GLIS2: variants seen among roughly 807,000 people sequenced by gnomAD.
The protein encoded by GLIS2 is zinc finger protein GLIS2.
In GLIS2, 14 loss-of-function variants were observed where a neutral mutation model predicts 35.6. The observed-to-expected ratio is 0.39, with a 90% CI of 0.26 to 0.61. The LOEUF (loss-of-function observed/expected upper bound fraction) is 0.61, where lower values mean the gene tolerates loss of function less well. Ranked by LOEUF, GLIS2 falls within the 20% of genes least tolerant of loss-of-function variation. The pLI is 0.48. For synonymous variants in GLIS2, 368 were observed against 325.1 expected (o/e 1.13, Z -1.42); for missense variants, 675 against 713.4 (o/e 0.95, Z 0.61).
chr16:4,317,810 T>TG (rs2053330736), intron 1 of GLIS2, among the ~76,000 whole-genome samples: 1 of 152,140 alleles, frequency 6.6e-6, no homozygotes, highest in African/African-American at 2.4e-5. Flanking sequence ...GATGGTGTTT[T>TG]GGGGGGTGTG....
chr16:4,336,831 C>T lies in GLIS2; in HGVS notation c.882C>T (p.Tyr294=), dbSNP rs2053556905. Residue 294 remains tyrosine (Y), a synonymous_variant, in exon 7 of 7, where the codon TAC becomes TAT. Transcript: ENST00000433375. ...TRTHYVDKPY[Y]CKMPGCHKRY... is the part of the protein sequence containing the mutation. ...CCCACTATGTGGACAAGCCCTACTA[C>T]TGCAAGATGCCCGGCTGCCACAAGC... 1 of 1,612,408 alleles carries T rather than the reference C, an allele frequency of 6.2e-7. No individual in the cohort carries two copies. The highest frequency in any genetic ancestry group is 8.5e-7 in the Non-Finnish European group (1 of 1,179,532).
At chr16:4,327,694 C>T (rs113791618) in intron 1 of GLIS2, among the ~76,000 whole-genome samples, 2 of 151,698 alleles carry the variant, frequency 1.3e-5, no homozygotes, top group Admixed American at 6.6e-5. Flanking sequence ...CTCCGGGTGA[C>T]CCCCGCCCTG....
At chr16:4,328,972 AGGGTGG>A (rs1184580464) in intron 1 of GLIS2, 1 of 17,796 alleles carries the variant, frequency 5.6e-5, no homozygotes, top group East Asian at 1.5e-3. Context: ...CTTCTCCGGA[AGGGTGG>A]GGGTGGGGGT....
intron 1 of GLIS2, among the ~76,000 whole-genome samples, chr16:4,316,846 G>A (rs2053319111): frequency 1.3e-5 from 2 of 152,188 alleles, no homozygotes. Flanking sequence ...TGCGGTCCGG[G>A]TGGACGCAGG....
At chr16:4,319,282 C>G (rs1358480582) in intron 1 of GLIS2, among the ~76,000 whole-genome samples, 3 of 152,176 alleles carry the variant, frequency 2.0e-5, no homozygotes, top group Non-Finnish European at 2.9e-5. Context: ...CTTCCCCTCA[C>G]CCAGATAAAT....
Position 4,337,762 on chromosome 16 carries a change from CTG to C in GLIS2, c.*240_*241del. On this transcript the variant is annotated 3_prime_UTR_variant, in exon 7 of 7. Transcript: ENST00000433375. ...CTGGGTGCTGAAGCCTCGCTCCTGTCTGTCCCCCACCACCTGGCCCTCAGCTT... is the reference window on the plus strand; with the variant it reads ...CTGGGTGCTGAAGCCTCGCTCCTGTCTCCCCCACCACCTGGCCCTCAGCTT... 1.6e-6 allele frequency: 1 copy of C among 616,684 alleles called. No homozygotes were observed. Among genetic ancestry groups the C allele is most frequent in the East Asian group, 2.8e-5 (1 of 36,064 alleles). 38.2% of individuals were successfully genotyped at this position (616,684 alleles called of 1,614,324 possible).
At chr16:4,334,729 T>C (rs1415484238) in intron 3 of GLIS2, 72 bp from the exon 4 acceptor site, 12 of 1,570,354 alleles carry the variant, frequency 7.6e-6, no homozygotes. Flanking sequence ...GGGACACCAT[T>C]CAGTCCACTA....
intron 1 of GLIS2, among the ~76,000 whole-genome samples, chr16:4,318,662 C>T (rs1567215797): frequency 3.9e-5 from 6 of 152,316 alleles, no homozygotes; most frequent in Admixed American, 2.0e-4. Flanking sequence ...TGGAGGGAGG[C>T]CTGGACCCCA....
At chr16:4,315,635 T>C (rs917571352), upstream of GLIS2, among the ~76,000 whole-genome samples, 2 of 149,804 alleles carry the variant, frequency 1.3e-5, no homozygotes, top group Non-Finnish European at 3.0e-5. Context: ...GGCCGTGTCC[T>C]AGCGCTGCCC....
At chr16:4,336,360 T>C (rs1447595576) in intron 6 of GLIS2, 1 of 445,060 alleles carries the variant, frequency 2.2e-6, no homozygotes, top group African/African-American at 2.0e-5. Flanking sequence ...TTGGCCCTGC[T>C]GGTCTGGAAC....
At chr16:4,331,543 T>C (rs1261314760) in intron 1 of GLIS2, 1 of 153,424 alleles carries the variant, frequency 6.5e-6, no homozygotes, top group Non-Finnish European at 1.5e-5. Flanking sequence ...GTATGTGTCT[T>C]TAATTCCTCT....
At position 4,335,256 on chromosome 16, in the gene GLIS2, C is replaced by A. The variant is rs749133207; in HGVS notation, c.657-19C>A. The A allele has an allele frequency of 1.2e-6, 2 of 1,613,710 alleles. No homozygotes were observed. Among genetic ancestry groups the A allele is most frequent in the Admixed American group, 3.3e-5 (2 of 60,010 alleles). ...GTCTCCAGTGAGCTGAGCCGTGCCC[C>A]CCGCCCTCCCTGGAGCAGGTACAAG... On this transcript the variant is annotated intron_variant, in intron 5 of 6. Coordinates refer to ENST00000433375, the MANE Select transcript of GLIS2 (RefSeq NM_032575.3). The surrounding 1 kb of genome is among the most constrained non-coding windows in gnomAD (Gnocchi z 4.6).
intron 1 of GLIS2, among the ~76,000 whole-genome samples, chr16:4,316,989 C>A (rs2053320743): frequency 6.6e-6 from 1 of 152,162 alleles, no homozygotes. Flanking sequence ...CCGCTGGCCC[C>A]CTGGGATGGG....
At chr16:4,326,380 G>A (rs1198477351) in intron 1 of GLIS2, 11 of 152,266 alleles carry the variant, frequency 7.2e-5, no homozygotes, top group Admixed American at 7.2e-4. Context: ...TCCAAGGCAA[G>A]GGGTGTTCCT....
At chr16:4,321,653 G>A (rs986479724) in intron 1 of GLIS2, among the ~76,000 whole-genome samples, 2 of 152,160 alleles carry the variant, frequency 1.3e-5, no homozygotes, top group African/African-American at 2.4e-5. Context: ...TCTGGTGGAT[G>A]GGGTGGGCTC....
chr16:4,330,170 G>T (rs1022079425), intron 1 of GLIS2, among the ~76,000 whole-genome samples: 3 of 152,060 alleles, frequency 2.0e-5, no homozygotes, highest in African/African-American at 7.3e-5. Flanking sequence ...CCAGCTACTT[G>T]GGAGGCTGAG....
rs55693934 is a variant in GLIS2 at position 4,328,102 on chromosome 16, G to A, written c.-66-4113G>A. The stretch of plus-strand genomic sequence containing the variant: ...GCCGGCGGGCCTTGCGCTGCGCCCG[G>A]GGAGCATCCACGGGGTGCCCCCACC... On this transcript the variant is annotated intron_variant, in intron 1 of 6. Coordinates refer to ENST00000433375, the MANE Select transcript of GLIS2 (RefSeq NM_032575.3). 8.0e-3 allele frequency among the ~76,000 whole-genome samples: 1,223 copies of A among 152,338 alleles called. 8 individuals are homozygous for A. The highest frequency in any genetic ancestry group is 0.012 in the Non-Finnish European group (848 of 68,016).
intron 3 of GLIS2, 103 bp from the exon 4 acceptor site, chr16:4,334,698 G>A (rs749036003): frequency 1.2e-5 from 17 of 1,368,154 alleles, no homozygotes; most frequent in South Asian, 2.3e-5. Context: ...GGGGAGAAGA[G>A]GACCTGAATG....
At chr16:4,323,787 A>T (rs2141122815) in intron 1 of GLIS2, among the ~76,000 whole-genome samples, 1 of 152,328 alleles carries the variant, frequency 6.6e-6, no homozygotes, top group Middle Eastern at 3.4e-3. Context: ...GGCCGGAAAC[A>T]AGAATCCTTT....
Sources: allele counts gnomAD v4.1 joint callset (sites outside exome capture counted in the v4.1 genomes callset), GRCh38; gene constraint gnomAD v4.1.1; non-coding constraint Gnocchi (gnomAD v3.1); transcripts MANE v1.5; gene names NCBI Gene and HGNC (gene_info 2026-07-23, HGNC 2026-07-21).